The following ICA1 variants were observed in gnomAD, a reference collection of about 807,000 sequenced individuals.
ICA1 encodes the protein 69 kDa islet cell autoantigen.
A neutral mutation model predicts 71.0 loss-of-function variants in ICA1; 40 were observed. That is an observed-to-expected ratio of 0.56 (90% CI 0.44 to 0.73). The LOEUF (loss-of-function observed/expected upper bound fraction) is 0.73, where lower values mean the gene tolerates loss of function less well. ICA1 is among the 30% of genes least tolerant of loss of function. The pLI is 0.00. For synonymous variants in ICA1, 207 were observed against 209.5 expected, an observed-to-expected ratio of 0.99 and a Z score of 0.10; for missense variants, 578 against 576.5, an observed-to-expected ratio of 1.00 and a Z score of -0.03.
chr7:8,177,894 G>T (rs777042403), intron 6 of ICA1, among the ~76,000 whole-genome samples: 1 of 152,198 alleles, frequency 6.6e-6, no homozygotes. Flanking sequence ...GAATACCAAA[G>T]TGTGGTTGAT....
chr7:8,144,583 C>T lies in ICA1; in HGVS notation c.805-611G>A, dbSNP rs543163318. On this transcript the variant is annotated intron_variant, in intron 8 of 13. Coordinates refer to ENST00000402384, the MANE Select transcript of ICA1 (RefSeq NM_001136020.3). This position sits in a 1 kb window ranked among gnomAD's most constrained non-coding sequence, Gnocchi z 4.5. ...GTAGATTAAAATGGGTGAGAGTCTT[C>T]TTTTGGCACATCATTTGTTGGAGTT... Among the ~76,000 whole-genome samples, 27 of 152,030 alleles carry T rather than the reference C, an allele frequency of 1.8e-4. No individual in the cohort carries two copies. The highest frequency in any genetic ancestry group is 3.3e-4 in the Admixed American group (5 of 15,274).
intron 6 of ICA1, among the ~76,000 whole-genome samples, chr7:8,202,754 G>C (rs912248658): frequency 2.6e-5 from 4 of 152,222 alleles, no homozygotes; most frequent in African/African-American, 9.6e-5. Context: ...AATGTTAGCT[G>C]TAACAAACTG....
intron 4 of ICA1, 129 bp downstream of exon 4, chr7:8,228,472 T>C (rs540509662): frequency 1.0e-4 from 51 of 499,514 alleles, no homozygotes; most frequent in African/African-American, 8.9e-4. Flanking sequence ...TATTAGAGAC[T>C]CTCCTCCCAA....
chr7:8,186,737 CT>C (rs1280893795), intron 6 of ICA1, among the ~76,000 whole-genome samples: 2 of 152,136 alleles, frequency 1.3e-5, no homozygotes, highest in African/African-American at 4.8e-5. Context: ...CACAAGTGTA[CT>C]TTCATGCATA....
In ICA1 at chr7:8,141,748, T is replaced by C. The variant is rs777423741; in HGVS notation, c.955+17A>G. ...GTAATATTTCAGAAGCAATTCTAAA[T>C]AAAAATCAAAACTTACTCTTAAAAC... On this transcript the variant is annotated intron_variant, in intron 10 of 13. Transcript: ENST00000402384. 16 of 1,488,358 alleles carry C rather than the reference T, an allele frequency of 1.1e-5. No homozygotes were observed. In the East Asian group the frequency reaches 2.9e-4, roughly 27 times the overall value. The allele number at this position is 1,488,358 out of a possible 1,614,324, so 92.2% of individuals were successfully genotyped here. A position where few individuals can be genotyped will look rare whatever the true frequency, so the allele number is the denominator to read the frequency against.
chr7:8,113,952 CG>C lies in ICA1; in HGVS notation c.1422del (p.Asp475IlefsTer33). The C allele has an allele frequency of 6.2e-7, 1 of 1,614,170 alleles. No individual in the cohort carries two copies. Among genetic ancestry groups the C allele is most frequent in the Non-Finnish European group, 8.5e-7 (1 of 1,180,036 alleles). The stretch of plus-strand genomic sequence containing the variant: ...GCATTGAGCAATTCGTGTTCTTTAT[CG>C]GTTTTCCCAACAGCATCAGGATTTG... ...PLSNPDAVGK[T>X]DKEHELLNA On this transcript the variant is annotated frameshift_variant, in exon 14 of 14. Transcript: ENST00000402384. LOFTEE classifies it high-confidence loss of function. The surrounding 1 kb of genome is among the most constrained non-coding windows in gnomAD (Gnocchi z 4.2).
At chr7:8,161,239 A>G (rs1476546886) in intron 6 of ICA1, among the ~76,000 whole-genome samples, 2 of 152,220 alleles carry the variant, frequency 1.3e-5, no homozygotes, top group Admixed American at 1.3e-4. Flanking sequence ...CACATAGCAT[A>G]AAGACCCCCT....
intron 5 of ICA1, 57 bp downstream of exon 5, chr7:8,221,218 T>C (rs933005287): frequency 5.0e-6 from 8 of 1,604,982 alleles, no homozygotes; most frequent in Middle Eastern, 2.0e-4. Context: ...CGTGAGTAGG[T>C]GGGTCCCGGA....
intron 13 of ICA1, among the ~76,000 whole-genome samples, chr7:8,119,687 A>C (rs1786078835): frequency 6.6e-6 from 1 of 152,142 alleles, no homozygotes; most frequent in Non-Finnish European, 1.5e-5. Flanking sequence ...CTCTACTAAA[A>C]AGACAAAAAT....
At position 8,212,595 on chromosome 7, in the gene ICA1, A is replaced by G. The variant is rs190133067; in HGVS notation, c.579+5710T>C. On this transcript the variant is annotated intron_variant, in intron 6 of 13. Coordinates refer to ENST00000402384, the MANE Select transcript of ICA1 (RefSeq NM_001136020.3). ...AAACAAAACAAAACGAAAAACTAAA[A>G]ATGTTGCAGCTGGAAGAGGGCTCAG... Among the ~76,000 whole-genome samples the G allele has an allele frequency of 1.4e-3, 208 of 152,246 alleles. 5 individuals are homozygous for G. The highest frequency in any genetic ancestry group is 4.6e-3 in the African/African-American group (190 of 41,544).
intron 6 of ICA1, among the ~76,000 whole-genome samples, chr7:8,177,217 G>C (rs1189816272): frequency 6.6e-6 from 1 of 152,164 alleles, no homozygotes; most frequent in Non-Finnish European, 1.5e-5. Context: ...GTCAAATACA[G>C]TCAAAATTAT....
At chr7:8,139,794 A>G (rs1794605649) in intron 10 of ICA1, among the ~76,000 whole-genome samples, 1 of 152,226 alleles carries the variant, frequency 6.6e-6, no homozygotes, top group Admixed American at 6.5e-5. Context: ...AAATCTCTGT[A>G]CATTGAGCCT....
In ICA1 at chr7:8,158,612, T is replaced by A. The variant is rs1174011417; in HGVS notation, c.620A>T (p.Lys207Ile). Residue 207 changes from lysine (K) to isoleucine (I), a missense_variant, in exon 7 of 14, where the codon AAA becomes ATA. Lys to Ile is a moderately radical substitution (Grantham distance 102). Coordinates refer to ENST00000402384, the MANE Select transcript of ICA1 (RefSeq NM_001136020.3). ...TTTTTGACAAACATCCATCTTCAAT[T>A]TGTCAAAGTTTTTTTTTGCAAGGCG... ...QVRLAKKNFDKLKMDVCQKVD... is the reference protein window; with the variant it reads ...QVRLAKKNFDILKMDVCQKVD... 6.2e-7 allele frequency: 1 copy of A among 1,614,140 alleles called. No homozygotes were observed. The highest frequency in any genetic ancestry group is 8.5e-7 in the Non-Finnish European group (1 of 1,180,004).
At chr7:8,151,437 C>T (rs1227770023) in intron 8 of ICA1, among the ~76,000 whole-genome samples, 2 of 152,192 alleles carry the variant, frequency 1.3e-5, no homozygotes, top group Non-Finnish European at 2.9e-5. Flanking sequence ...CTGGATGCAT[C>T]CCAATTTTCT....
chr7:8,116,856 AG>A (rs1270629217), intron 13 of ICA1, among the ~76,000 whole-genome samples: 1 of 152,212 alleles, frequency 6.6e-6, no homozygotes, highest in African/African-American at 2.4e-5. Flanking sequence ...CAAATATATG[AG>A]GGGGAAAGAA....
Position 8,214,863 on chromosome 7 carries a change from C to T in ICA1, c.579+3442G>A, listed in dbSNP as rs191522598. 2.4e-3 allele frequency among the ~76,000 whole-genome samples: 361 copies of T among 152,308 alleles called. 3 individuals are homozygous for T. Among genetic ancestry groups the T allele is most frequent in the South Asian group, 0.013 (62 of 4,820 alleles). ...AAAGCCTTGGTTGGAAGTGAAAATA[C>T]ACTTGAACTTGCGATTTATTTATGC... On this transcript the variant is annotated intron_variant, in intron 6 of 13. Coordinates refer to ENST00000402384, the MANE Select transcript of ICA1 (RefSeq NM_001136020.3).
At chr7:8,119,950 C>G (rs556729486) in intron 13 of ICA1, among the ~76,000 whole-genome samples, 1 of 152,290 alleles carries the variant, frequency 6.6e-6, no homozygotes, top group East Asian at 1.9e-4. Context: ...AAACAGATAT[C>G]TTCTACTTGA....
intron 8 of ICA1, among the ~76,000 whole-genome samples, chr7:8,149,520 A>G (rs1320690698): frequency 6.6e-6 from 1 of 152,222 alleles, no homozygotes; most frequent in East Asian, 1.9e-4. Flanking sequence ...ACAGCTTAAT[A>G]TAATAATGGG....
chr7:8,188,114 G>A (rs1784448087), intron 6 of ICA1, among the ~76,000 whole-genome samples: 2 of 152,124 alleles, frequency 1.3e-5, no homozygotes, highest in African/African-American at 4.8e-5. Flanking sequence ...AATGGGGATT[G>A]GAAAAACTCT....
Sources: gnomAD v4.1 joint callset for allele counts (sites outside exome capture counted in the v4.1 genomes callset) on GRCh38, gnomAD v4.1.1 for gene constraint, Gnocchi (gnomAD v3.1) non-coding constraint, MANE v1.5 for transcripts, NCBI Gene and HGNC (gene_info 2026-07-23, HGNC 2026-07-21) for gene names.